Variants in USH2A observed in about 807,000 individuals in gnomAD.
The protein encoded by USH2A is Usher syndrome 2A (autosomal recessive, mild).
USH2A carries 443 observed loss-of-function variants against 538.9 expected under a neutral mutation model. The observed-to-expected ratio is 0.82, with a 90% CI of 0.76 to 0.89. The LOEUF (loss-of-function observed/expected upper bound fraction) is 0.89, where lower values mean the gene tolerates loss of function less well. Ranked by LOEUF, USH2A falls within the 40% of genes least tolerant of loss-of-function variation. The pLI is 0.00. For synonymous variants in USH2A, 2,413 were observed against 2,273.5 expected (o/e 1.06, Z -1.75); for missense variants, 6,633 against 6,324.8 (o/e 1.05, Z -1.65).
rs745829885 is a variant in USH2A at position 215,623,357 on chromosome 1, T to G, written c.*2424A>C. On this transcript the variant is annotated 3_prime_UTR_variant, in exon 72 of 72. Transcript: ENST00000307340. Reference sequence around the variant, plus strand: ...ATAGTCCCTGTGCATAGCATATTATTCCTGTACATGATTTCTTCCAGATTG... The same window carrying G: ...ATAGTCCCTGTGCATAGCATATTATGCCTGTACATGATTTCTTCCAGATTG... The G allele has an allele frequency of 2.0e-5, 3 of 152,060 alleles. No homozygotes were observed. Among genetic ancestry groups the G allele is most frequent in the Non-Finnish European group, 4.4e-5 (3 of 67,982 alleles). The allele number at this position is 152,060 out of a possible 1,614,324, so 9.4% of individuals were successfully genotyped here. A position where few individuals can be genotyped will look rare whatever the true frequency, so the allele number is the denominator to read the frequency against.
At chr1:216,214,765 G>GA (rs1360574184) in intron 15 of USH2A, among the ~76,000 whole-genome samples, 4 of 151,848 alleles carry the variant, frequency 2.6e-5, no homozygotes, top group East Asian at 1.9e-4. Flanking sequence ...GAGAGATAAA[G>GA]AAAAAATGTG....
chr1:216,348,613 T>C lies in USH2A; in HGVS notation c.784+16340A>G, dbSNP rs371324288. On this transcript the variant is annotated intron_variant, in intron 4 of 71. Transcript: ENST00000307340. ...TAAAATCCTATGTGAAAAATAGTTA[T>C]TTTTTAGCATTTTATACAAGTAATC... Among the ~76,000 whole-genome samples the C allele has an allele frequency of 9.9e-5, 15 of 152,218 alleles. 1 individual carries two copies. The highest frequency in any genetic ancestry group is 3.9e-4 in the Admixed American group (6 of 15,276).
At chr1:216,262,018 C>A (rs1434440340) in intron 11 of USH2A, among the ~76,000 whole-genome samples, 1 of 152,114 alleles carries the variant, frequency 6.6e-6, no homozygotes, top group Non-Finnish European at 1.5e-5. Context: ...CACTCAGGAC[C>A]CAAGTTATCA....
intron 52 of USH2A, among the ~76,000 whole-genome samples, chr1:215,785,941 A>G (rs919170639): frequency 2.0e-5 from 3 of 149,706 alleles, no homozygotes; most frequent in Non-Finnish European, 4.4e-5. Context: ...ATACACACAC[A>G]CACACACACA....
chr1:215,848,312 T>C (rs1663920566), intron 44 of USH2A, among the ~76,000 whole-genome samples: 1 of 152,334 alleles, frequency 6.6e-6, no homozygotes, highest in African/African-American at 2.4e-5. Flanking sequence ...AGGCTGATTA[T>C]AAAGTCAAGC....
At chr1:216,234,169 C>T (rs2035760068) in intron 13 of USH2A, among the ~76,000 whole-genome samples, 1 of 152,112 alleles carries the variant, frequency 6.6e-6, no homozygotes, top group Non-Finnish European at 1.5e-5. Flanking sequence ...AAACTCATTC[C>T]AGGCTCTTGT....
chr1:215,850,031 A>C (rs1243215429), intron 44 of USH2A, among the ~76,000 whole-genome samples: 1 of 152,184 alleles, frequency 6.6e-6, no homozygotes, highest in Non-Finnish European at 1.5e-5. Context: ...CTTCTTCAGA[A>C]GACAGAAAGA....
intron 36 of USH2A, among the ~76,000 whole-genome samples, chr1:215,966,736 A>G (rs2102455102): frequency 6.6e-6 from 1 of 152,290 alleles, no homozygotes; most frequent in Non-Finnish European, 1.5e-5. Context: ...TTTTATGACA[A>G]TGTAATTTGT....
Position 216,070,286 on chromosome 1 carries a change from T to C in USH2A, c.5864A>G (p.Gln1955Arg). Residue 1955 changes from glutamine to arginine, a missense_variant, in exon 30 of 72, where the codon CAA (glutamine) becomes CGA (arginine). Gln to Arg is a conservative substitution (Grantham distance 43). Transcript: ENST00000307340. ...SRGRTTGAAP[Q>R]SVPTPSRVRS... The stretch of plus-strand genomic sequence containing the variant: ...GACTCTTGAGGGAGTTGGCACACTT[T>C]GTGGAGCTGTGAAGGAATAAAAGAG... 1.2e-6 allele frequency: 2 copies of C among 1,613,900 alleles called. No individual in the cohort carries two copies. The highest frequency in any genetic ancestry group is 1.1e-5 in the South Asian group (1 of 91,078).
At chr1:216,046,116 G>T (rs1427924069) in intron 32 of USH2A, among the ~76,000 whole-genome samples, 1 of 147,172 alleles carries the variant, frequency 6.8e-6, no homozygotes, top group African/African-American at 2.5e-5. Context: ...AAAATTCATG[G>T]ATGCTCAAGT....
intron 20 of USH2A, among the ~76,000 whole-genome samples, chr1:216,189,664 C>A (rs536934408): frequency 1.3e-5 from 2 of 151,926 alleles, no homozygotes; most frequent in South Asian, 4.1e-4. Flanking sequence ...CTTAATAAAA[C>A]AATAGATAAA....
chr1:215,656,751 T>C (rs1657267674), intron 64 of USH2A, among the ~76,000 whole-genome samples: 1 of 152,140 alleles, frequency 6.6e-6, no homozygotes, highest in Non-Finnish European at 1.5e-5. Context: ...TGTGGGATAA[T>C]GACAATATTT....
At chr1:215,654,492 C>T (rs1434227521) in intron 64 of USH2A, among the ~76,000 whole-genome samples, 1 of 152,174 alleles carries the variant, frequency 6.6e-6, no homozygotes, top group Non-Finnish European at 1.5e-5. Context: ...GTTTGGTGAA[C>T]ACTTTCACAT....
intron 35 of USH2A, among the ~76,000 whole-genome samples, chr1:215,977,781 G>T (rs539323347): frequency 6.6e-6 from 1 of 152,130 alleles, no homozygotes; most frequent in African/African-American, 2.4e-5. Context: ...AAAGTGTTGA[G>T]ATTACAGGCA....
chr1:215,761,524 C>T (rs754626670), intron 56 of USH2A, among the ~76,000 whole-genome samples: 4 of 152,120 alleles, frequency 2.6e-5, no homozygotes, highest in South Asian at 2.1e-4. Flanking sequence ...CTGTCTTATT[C>T]GTCAATGTAT....
At chr1:215,716,689 T>A (rs1392235729) in intron 61 of USH2A, among the ~76,000 whole-genome samples, 3 of 152,194 alleles carry the variant, frequency 2.0e-5, no homozygotes, top group Non-Finnish European at 4.4e-5. Context: ...GGATTAAAAT[T>A]CTCTGATTTT....
chr1:215,779,966 G>A lies in USH2A; in HGVS notation c.10816C>T (p.Leu3606=), dbSNP rs1410755603. ...TCAGGGACACTCCAGCTCAGATGCA[G>A]AGCCACTGCACTTAGGGCTGTGATG... ...PSITALSAVA[L]HLSWSVPEKS... The change falls in exon 55 of 72, where the codon CTG becomes TTG. Residue 3606 remains leucine, a synonymous_variant. Coordinates refer to ENST00000307340, the MANE Select transcript of USH2A (RefSeq NM_206933.4). The A allele has an allele frequency of 1.9e-6, 3 of 1,613,970 alleles. No homozygotes were observed. The highest frequency in any genetic ancestry group is 8.5e-7 in the Non-Finnish European group (1 of 1,180,038).
In USH2A at chr1:215,867,076, C is replaced by T; in HGVS notation, c.8776G>A (p.Glu2926Lys). ...VTVTTLAGLP[E>K]RGANLTASVL... ...CTCGCAGTGAGATTGGCTCCTCTCT[C>T]TGGAAGACCAGCTAACGTTGTCACA... is the stretch of plus-strand genomic sequence containing the variant. The change falls in exon 44 of 72, where the codon GAG becomes AAG. Residue 2926 changes from glutamate to lysine, a missense_variant. By Grantham distance (56) the Glu-to-Lys change is moderately conservative. Coordinates refer to ENST00000307340, the MANE Select transcript of USH2A (RefSeq NM_206933.4). 6.2e-7 allele frequency: 1 copy of T among 1,614,178 alleles called. No individual in the cohort carries two copies. Among genetic ancestry groups the T allele is most frequent in the African/African-American group, 1.3e-5 (1 of 75,046 alleles).
intron 61 of USH2A, among the ~76,000 whole-genome samples, chr1:215,688,134 A>ATT (rs1225923679): frequency 6.6e-6 from 1 of 152,110 alleles, no homozygotes; most frequent in Non-Finnish European, 1.5e-5. Context: ...AAGAAGTTAC[A>ATT]TTTAGGCAAG....
Sources: allele counts gnomAD v4.1 joint callset (sites outside exome capture counted in the v4.1 genomes callset), GRCh38; gene constraint gnomAD v4.1.1; transcripts MANE v1.5; gene names NCBI Gene and HGNC (gene_info 2026-07-23, HGNC 2026-07-21).